The following RTCA variants were observed in gnomAD, a reference collection of about 807,000 sequenced individuals.
RTCA encodes RNA terminal phosphate cyclase domain 1.
In RTCA, 37 loss-of-function variants were observed where a neutral mutation model predicts 46.1. The ratio of observed to expected loss-of-function variants is 0.80; its 90% CI spans 0.62 to 1.06. The LOEUF (loss-of-function observed/expected upper bound fraction) is 1.06, where lower values mean the gene tolerates loss of function less well. Among genes scored for constraint, RTCA ranks in the 50% least tolerant of loss-of-function variants. The pLI is 0.00. For synonymous variants in RTCA, 164 were observed against 158.3 expected (o/e 1.04, Z -0.27); for missense variants, 435 against 455.5 (o/e 0.95, Z 0.41).
chr1:100,279,122 G>A (rs138507193), intron 8 of RTCA, among the ~76,000 whole-genome samples: 49 of 152,264 alleles, frequency 3.2e-4, no homozygotes, highest in Admixed American at 9.2e-4. Context: ...AATATAAAAC[G>A]GAGACTAGGA....
At chr1:100,285,631 T>C (rs1455858386) in intron 9 of RTCA, among the ~76,000 whole-genome samples, 1 of 152,060 alleles carries the variant, frequency 6.6e-6, no homozygotes, top group East Asian at 1.9e-4. Flanking sequence ...TTTATTATGG[T>C]TTTCATCTTC....
At chr1:100,288,735 AT>A (rs1430056045) in intron 10 of RTCA, among the ~76,000 whole-genome samples, 1 of 152,164 alleles carries the variant, frequency 6.6e-6, no homozygotes, top group African/African-American at 2.4e-5. Flanking sequence ...ACATATATTA[AT>A]TTAAAAAATT....
At chr1:100,279,753 C>T (rs905611659) in intron 8 of RTCA, among the ~76,000 whole-genome samples, 4 of 152,112 alleles carry the variant, frequency 2.6e-5, no homozygotes, top group African/African-American at 7.2e-5. Flanking sequence ...GCATTCCAGT[C>T]TGGGTGACAC....
chr1:100,274,977 A>G lies in RTCA; in HGVS notation c.615+12A>G. 6.3e-7 allele frequency: 1 copy of G among 1,585,928 alleles called. No homozygotes were observed. Among genetic ancestry groups the G allele is most frequent in the Non-Finnish European group, 8.6e-7 (1 of 1,160,666 alleles). ...TTTTGCCATTTAAAGTAAGTTGTTTAGATGTTCTTAGAAATAAAATATATG... is the reference window on the plus strand; with the variant it reads ...TTTTGCCATTTAAAGTAAGTTGTTTGGATGTTCTTAGAAATAAAATATATG... On this transcript the variant is annotated intron_variant, in intron 6 of 10. Transcript: ENST00000370128.
intron 9 of RTCA, among the ~76,000 whole-genome samples, chr1:100,286,343 A>G (rs983517652): frequency 1.3e-5 from 2 of 150,650 alleles, no homozygotes; most frequent in African/African-American, 4.9e-5. Flanking sequence ...AGTCGTAGCT[A>G]CTCGGGAGGC....
chr1:100,276,332 A>T (rs1557976201), intron 7 of RTCA, among the ~76,000 whole-genome samples: 1 of 152,220 alleles, frequency 6.6e-6, no homozygotes, highest in South Asian at 2.1e-4. Context: ...GTTGCATAAA[A>T]TACGTCAAAT....
At chr1:100,284,234 T>G (rs1355790382) in intron 8 of RTCA, among the ~76,000 whole-genome samples, 2 of 152,016 alleles carry the variant, frequency 1.3e-5, no homozygotes, top group African/African-American at 2.4e-5. Context: ...TATGGAGAGA[T>G]AGGGAATAGG....
intron 10 of RTCA, 106 bp from the exon 11 acceptor site, chr1:100,291,297 C>T: frequency 1.5e-6 from 1 of 662,584 alleles, no homozygotes; most frequent in South Asian, 2.1e-5. Context: ...GTAGGTTTTT[C>T]AATAAAATGG....
intron 8 of RTCA, chr1:100,281,431 GT>G: frequency 4.8e-6 from 2 of 414,262 alleles, no homozygotes; most frequent in Non-Finnish European, 4.8e-6. Context: ...ATATTGGACC[GT>G]GATTGTGATC....
chr1:100,266,354 G>T lies in RTCA; in HGVS notation c.-22G>T. ...TCTGGCGGAGGCTTTGTCGCTGCGG[G>T]CTGGGCCCCAGGGTGTCCCCCATGG... On this transcript the variant is annotated 5_prime_UTR_variant, in exon 1 of 11. Transcript: ENST00000370128. 6.2e-7 allele frequency: 1 copy of T among 1,607,238 alleles called. No homozygotes were observed. The highest frequency in any genetic ancestry group is 8.5e-7 in the Non-Finnish European group (1 of 1,178,204).
intron 8 of RTCA, among the ~76,000 whole-genome samples, chr1:100,280,160 A>G (rs1207992594): frequency 6.6e-6 from 1 of 152,176 alleles, no homozygotes; most frequent in East Asian, 1.9e-4. Flanking sequence ...GGAAGTGAGG[A>G]AGGCAGTGTA....
At chr1:100,284,283 C>T (rs1264423325) in intron 8 of RTCA, among the ~76,000 whole-genome samples, 1 of 151,692 alleles carries the variant, frequency 6.6e-6, no homozygotes, top group East Asian at 1.9e-4. Flanking sequence ...TTAAAATAAG[C>T]GAATACCTGT....
chr1:100,273,457 G>A lies in RTCA; in HGVS notation c.473+5G>A, dbSNP rs749727836. 4.4e-5 allele frequency: 69 copies of A among 1,557,554 alleles called. 3 individuals carry two copies. The South Asian group carries it at 8.0e-4, about 18-fold the overall frequency. On this transcript the variant is annotated splice_donor_5th_base_variant and intron_variant, in intron 5 of 10. Coordinates refer to ENST00000370128, the MANE Select transcript of RTCA (RefSeq NM_003729.4). ...TAATTGTGACATTAAAACAAGGTAA[G>A]TTGCTTGTTTCTTAAATGTTAGGAT...
chr1:100,270,584 A>G lies in RTCA; in HGVS notation c.318A>G (p.Ser106=), dbSNP rs750281132. 6.2e-7 allele frequency: 1 copy of G among 1,614,090 alleles called. No individual in the cohort carries two copies. The highest frequency in any genetic ancestry group is 1.1e-5 in the South Asian group (1 of 91,086). ...GTGTGTGCCTCTTGATGCAGGTCTC[A>G]ATGCCGTGTGTTCTCTTTGCTGCTT... The part of the protein sequence containing the change: ...AGSVCLLMQV[S]MPCVLFAASP... The change falls in exon 4 of 11, where the codon TCA becomes TCG. Residue 106 remains serine, a synonymous_variant. Transcript: ENST00000370128.
chr1:100,267,358 T>C, intron 2 of RTCA: 2 of 907,108 alleles, frequency 2.2e-6, no homozygotes, highest in Non-Finnish European at 3.0e-6. Flanking sequence ...ATTGCCTTTG[T>C]CATAGTTTGC....
At chr1:100,267,494 T>A in intron 2 of RTCA, 1 of 1,533,134 alleles carries the variant, frequency 6.5e-7, no homozygotes, top group Non-Finnish European at 8.8e-7. Context: ...ATTTATTTCC[T>A]CACAGTTCTG....
In RTCA at chr1:100,277,294, T is replaced by C. The variant is rs1322805101; in HGVS notation, c.777T>C (p.Ala259=). 9 of 1,612,228 alleles carry C rather than the reference T, an allele frequency of 5.6e-6. No individual in the cohort carries two copies. The highest frequency in any genetic ancestry group is 4.0e-5 in the African/African-American group (3 of 74,794). ...AGACCTCCACTGGCTGTTTGTTTGC[T>C]GGATCATCGCTTGGTAAACGAGGTA... ...IAETSTGCLF[A]GSSLGKRGVN... is the part of the protein sequence containing the mutation. The change falls in exon 8 of 11, where the codon GCT becomes GCC. Residue 259 remains alanine, a synonymous_variant. Coordinates refer to ENST00000370128, the MANE Select transcript of RTCA (RefSeq NM_003729.4).
At chr1:100,286,498 C>T (rs1445161714) in intron 9 of RTCA, among the ~76,000 whole-genome samples, 1 of 148,864 alleles carries the variant, frequency 6.7e-6, no homozygotes, top group Non-Finnish European at 1.5e-5. Context: ...AAAAACTTAG[C>T]ACGTTCACTC....
chr1:100,268,592 C>T (rs576732285), intron 3 of RTCA, among the ~76,000 whole-genome samples: 127 of 152,134 alleles, frequency 8.3e-4, no homozygotes, highest in East Asian at 1.9e-3. Context: ...GACAAGGTTT[C>T]GCCATGTTTT....
Sources: gnomAD v4.1 joint callset for allele counts (sites outside exome capture counted in the v4.1 genomes callset) on GRCh38, gnomAD v4.1.1 for gene constraint, MANE v1.5 for transcripts, NCBI Gene and HGNC (gene_info 2026-07-23, HGNC 2026-07-21) for gene names.